PKHD1: variants seen among roughly 807,000 people sequenced by gnomAD.
The protein encoded by PKHD1 is fibrocystin.
PKHD1 carries 291 observed loss-of-function variants against 412.0 expected under a neutral mutation model. The observed-to-expected ratio is 0.71, with a 90% CI of 0.64 to 0.78. The LOEUF (loss-of-function observed/expected upper bound fraction) is 0.78, where lower values mean the gene tolerates loss of function less well. PKHD1 is among the 30% of genes least tolerant of loss of function. The pLI, the probability that PKHD1 is intolerant of heterozygous loss-of-function variation, is 0.00. For synonymous variants in PKHD1, 1,777 were observed against 1,821.5 expected, an observed-to-expected ratio of 0.98 and a Z score of 0.62; for missense variants, 4,825 against 4,950.7, an observed-to-expected ratio of 0.97 and a Z score of 0.76.
In PKHD1 at chr6:51,648,973, A is replaced by AC. The variant is rs1770500921; in HGVS notation, c.11310+111dup. The AC allele has an allele frequency of 3.9e-6, 4 of 1,023,786 alleles. No homozygotes were observed. In the South Asian group the frequency reaches 5.1e-5, roughly 13 times the overall value. 63.4% of individuals were successfully genotyped at this position (1,023,786 alleles called of 1,614,324 possible). ...AGAAGCTCTAAGTGCAACAAATTGC[A>AC]CCCAGTGGGCACTCTGTAAATGTGT... On this transcript the variant is annotated intron_variant, in intron 62 of 66. Transcript: ENST00000371117.
intron 60 of PKHD1, among the ~76,000 whole-genome samples, chr6:51,725,012 A>G (rs1463919988): frequency 6.6e-6 from 1 of 152,186 alleles, no homozygotes; most frequent in Non-Finnish European, 1.5e-5. Flanking sequence ...CTACAAATGC[A>G]CCTTTATGCC....
chr6:51,699,956 T>TGTGTGTGTGTGTGTGTGTGA (rs59938346), intron 60 of PKHD1, among the ~76,000 whole-genome samples: 1 of 151,578 alleles, frequency 6.6e-6, no homozygotes. Flanking sequence ...TGTGTGTGTG[T>TGTGTGTGTGTGTGTGTGTGA]AAAAACAGTA....
At chr6:52,074,581 T>C (rs2128235318) in intron 6 of PKHD1, among the ~76,000 whole-genome samples, 1 of 152,262 alleles carries the variant, frequency 6.6e-6, no homozygotes. Context: ...ACTGTAGAAA[T>C]TAGGAATTTC....
At chr6:51,834,158 G>A (rs942309793) in intron 51 of PKHD1, among the ~76,000 whole-genome samples, 6 of 152,234 alleles carry the variant, frequency 3.9e-5, no homozygotes, top group Admixed American at 2.6e-4. Context: ...CCACAAATTT[G>A]TTTTGTTTTT....
At chr6:51,968,835 C>G (rs1480484050) in intron 35 of PKHD1, among the ~76,000 whole-genome samples, 6 of 152,166 alleles carry the variant, frequency 3.9e-5, no homozygotes, top group Admixed American at 2.6e-4. Context: ...AGTCTAGTGA[C>G]CTTCTCAAAT....
chr6:51,893,233 C>G (rs1486881936), intron 43 of PKHD1, among the ~76,000 whole-genome samples: 1 of 152,184 alleles, frequency 6.6e-6, no homozygotes, highest in African/African-American at 2.4e-5. Context: ...AGAAAAGATT[C>G]TTAAATTTAA....
At chr6:51,784,610 A>G (rs1256996484) in intron 53 of PKHD1, among the ~76,000 whole-genome samples, 1 of 152,218 alleles carries the variant, frequency 6.6e-6, no homozygotes. Flanking sequence ...GAGACTATCA[A>G]TAAGTAGCAA....
chr6:51,644,807 G>C (rs1769872860), intron 63 of PKHD1, among the ~76,000 whole-genome samples: 1 of 152,148 alleles, frequency 6.6e-6, no homozygotes, highest in African/African-American at 2.4e-5. Context: ...AGCCTCCTGA[G>C]TAGCTGGGAC....
chr6:51,783,884 A>G (rs1158281465), intron 53 of PKHD1, among the ~76,000 whole-genome samples: 1 of 152,170 alleles, frequency 6.6e-6, no homozygotes, highest in Non-Finnish European at 1.5e-5. Context: ...AATATATTGT[A>G]GTCATTTAAA....
intron 54 of PKHD1, among the ~76,000 whole-genome samples, chr6:51,775,371 A>G (rs1360521776): frequency 6.6e-6 from 1 of 151,928 alleles, no homozygotes; most frequent in Non-Finnish European, 1.5e-5. Context: ...GTACTTTTAC[A>G]TAGACCAATT....
intron 60 of PKHD1, among the ~76,000 whole-genome samples, chr6:51,686,124 A>G (rs1777406478): frequency 6.6e-6 from 1 of 152,156 alleles, no homozygotes; most frequent in African/African-American, 2.4e-5. Context: ...GATGGATGGC[A>G]TGCTTGGATG....
rs770422968 is a variant in PKHD1, at chr6:51,754,823, G to T, written c.8758C>A (p.His2920Asn). 3.7e-6 allele frequency: 6 copies of T among 1,613,460 alleles called. No individual in the cohort carries two copies. The highest frequency in any genetic ancestry group is 5.1e-6 in the Non-Finnish European group (6 of 1,179,506). ...VLTVKEVKGH[H>N]VRIYERLKHR... ...TTGAGCCGTTCATAGATCCTCACATGGTGGCCCTTGACTTCTTTCACAGTG... is the reference window on the plus strand; with the variant it reads ...TTGAGCCGTTCATAGATCCTCACATTGTGGCCCTTGACTTCTTTCACAGTG... Residue 2920 changes from histidine (H) to asparagine (N), a missense_variant, in exon 56 of 67, where the codon CAT (histidine) becomes AAT (asparagine). Coordinates refer to ENST00000371117, the MANE Select transcript of PKHD1 (RefSeq NM_138694.4).
chr6:51,947,291 A>T lies in PKHD1; in HGVS notation c.5908+12579T>A, dbSNP rs566374080. Among the ~76,000 whole-genome samples, 4 of 151,984 alleles carry T rather than the reference A, an allele frequency of 2.6e-5. No individual in the cohort carries two copies. The South Asian group carries it at 8.3e-4, about 32-fold the overall frequency. ...TTGTTTTTCTTTCTTTCATTTTCTC[A>T]TCTCTATTTAAAAAATCCAATGTTT... On this transcript the variant is annotated intron_variant, in intron 36 of 66. Transcript: ENST00000371117.
At chr6:51,978,777 G>A (rs145884342) in intron 35 of PKHD1, among the ~76,000 whole-genome samples, 2 of 152,016 alleles carry the variant, frequency 1.3e-5, no homozygotes, top group African/African-American at 4.8e-5. Flanking sequence ...ATTCTTCCTG[G>A]ATCCTGTCAC....
intron 37 of PKHD1, among the ~76,000 whole-genome samples, chr6:51,919,726 G>A (rs1561879333): frequency 1.3e-5 from 2 of 152,128 alleles, no homozygotes; most frequent in South Asian, 4.1e-4. Context: ...GGGCAGTATG[G>A]CCATTTTCAC....
chr6:51,667,926 C>A (rs1040514056), intron 60 of PKHD1, among the ~76,000 whole-genome samples: 17 of 152,060 alleles, frequency 1.1e-4, no homozygotes, highest in Admixed American at 9.8e-4. Context: ...GGTAGCAGTA[C>A]CATGCTGTTT....
Position 51,627,102 on chromosome 6 carries a change from C to T in PKHD1, c.11680G>A (p.Glu3894Lys), listed in dbSNP as rs763047969. The change falls in exon 66 of 67, where the codon GAG (glutamate) becomes AAG (lysine). Residue 3894 changes from glutamate (E) to lysine (K), a missense_variant. By Grantham distance (56) the Glu-to-Lys change is moderately conservative. Coordinates refer to ENST00000371117, the MANE Select transcript of PKHD1 (RefSeq NM_138694.4). ...RSKSRKTKPE[E>K]IPESQTNNQN... ...TTATTAGTCTGGGATTCAGGAATCT[C>T]TTCAGGTTTTGTTTCTGTATTAATG... 6.2e-7 allele frequency: 1 copy of T among 1,611,774 alleles called. No homozygotes were observed. The highest frequency in any genetic ancestry group is 8.5e-7 in the Non-Finnish European group (1 of 1,178,108).
intron 55 of PKHD1, among the ~76,000 whole-genome samples, chr6:51,763,039 TAA>T (rs377100239): frequency 6.6e-6 from 1 of 152,096 alleles, no homozygotes; most frequent in African/African-American, 2.4e-5. Flanking sequence ...ATCATTTGTA[TAA>T]ACTCATTAAA....
chr6:51,927,612 G>A (rs947387807), intron 37 of PKHD1, among the ~76,000 whole-genome samples: 8 of 152,292 alleles, frequency 5.3e-5, no homozygotes, highest in African/African-American at 1.9e-4. Flanking sequence ...GGCTGCATAA[G>A]TATCAATCAC....
Sources: gnomAD v4.1 joint callset for allele counts (sites outside exome capture counted in the v4.1 genomes callset) on GRCh38, gnomAD v4.1.1 for gene constraint, MANE v1.5 for transcripts, NCBI Gene and HGNC (gene_info 2026-07-23, HGNC 2026-07-21) for gene names.